The following RAPGEF4 variants were observed in gnomAD, a reference collection of about 807,000 sequenced individuals.
RAPGEF4 encodes RAP guanine-nucleotide-exchange factor (GEF) 4.
RAPGEF4 carries 66 observed loss-of-function variants against 147.9 expected under a neutral mutation model. The ratio of observed to expected loss-of-function variants is 0.45; its 90% confidence interval spans 0.37 to 0.55. The LOEUF (loss-of-function observed/expected upper bound fraction) is 0.55. RAPGEF4 is among the 20% of genes least tolerant of loss of function. The pLI is 0.00. For synonymous variants in RAPGEF4, 419 were observed against 442.7 expected (o/e 0.95, Z 0.67); for missense variants, 1,071 against 1,257.3 (o/e 0.85, Z 2.24).
At chr2:172,982,389 C>T (rs1691779323) in intron 10 of RAPGEF4, among the ~76,000 whole-genome samples, 4 of 152,076 alleles carry the variant, frequency 2.6e-5, no homozygotes. Flanking sequence ...AGAGTAAATG[C>T]CGCCTAGCCA....
chr2:173,051,944 A>G lies in RAPGEF4; in HGVS notation c.*177A>G. 1.6e-6 allele frequency: 1 copy of G among 625,794 alleles called. No individual in the cohort carries two copies. Among genetic ancestry groups the G allele is most frequent in the East Asian group, 3.0e-5 (1 of 33,104 alleles). The allele number at this position is 625,794 out of a possible 1,614,324, so 38.8% of individuals were successfully genotyped here. A position where few individuals can be genotyped will look rare whatever the true frequency, so the allele number is the denominator to read the frequency against. ...CAGCTACCTAGCAAGAGAAGGAATT[A>G]TTTGACATGCCTAAAGCTTACACAC... On this transcript the variant is annotated 3_prime_UTR_variant, in exon 31 of 31. Coordinates refer to ENST00000397081, the MANE Select transcript of RAPGEF4 (RefSeq NM_007023.4).
At chr2:172,805,153 T>C (rs1270225096) in intron 3 of RAPGEF4, among the ~76,000 whole-genome samples, 1 of 152,164 alleles carries the variant, frequency 6.6e-6, no homozygotes, top group African/African-American at 2.4e-5. Flanking sequence ...TTCTTCTCTT[T>C]GTTTTCCTCT....
chr2:172,948,356 C>A (rs1297590419), intron 6 of RAPGEF4, among the ~76,000 whole-genome samples: 1 of 152,062 alleles, frequency 6.6e-6, no homozygotes, highest in African/African-American at 2.4e-5. Flanking sequence ...ATTATAAGCA[C>A]AATTTTAGAT....
intron 4 of RAPGEF4, among the ~76,000 whole-genome samples, chr2:172,889,544 G>A (rs1386765872): frequency 1.3e-5 from 2 of 151,984 alleles, no homozygotes; most frequent in Non-Finnish European, 2.9e-5. Flanking sequence ...ATTTCTTCTA[G>A]TAATTCCCAC....
chr2:172,888,963 A>T (rs6723668), intron 4 of RAPGEF4, among the ~76,000 whole-genome samples: 65 of 152,294 alleles, frequency 4.3e-4, no homozygotes, highest in African/African-American at 1.2e-3. Context: ...TTATAGGGTA[A>T]TAAAGGTGAA....
chr2:172,872,084 C>A (rs116189152), intron 4 of RAPGEF4, among the ~76,000 whole-genome samples: 1 of 152,104 alleles, frequency 6.6e-6, no homozygotes, highest in Non-Finnish European at 1.5e-5. Flanking sequence ...AATGAAAGAC[C>A]TATATTTAGT....
At chr2:172,830,751 G>A (rs1004397362) in intron 4 of RAPGEF4, among the ~76,000 whole-genome samples, 4 of 152,082 alleles carry the variant, frequency 2.6e-5, no homozygotes, top group African/African-American at 7.2e-5. Flanking sequence ...CTATAGGCAC[G>A]TGCCACCACA....
At chr2:172,960,672 T>A in intron 6 of RAPGEF4, 88 bp from the exon 7 acceptor site, 1 of 866,076 alleles carries the variant, frequency 1.2e-6, no homozygotes, top group Non-Finnish European at 1.7e-6. Flanking sequence ...TTATAAAAAA[T>A]GGATGTTTCT....
At chr2:172,846,065 T>TAAAAAA (rs1692152418) in intron 4 of RAPGEF4, among the ~76,000 whole-genome samples, 1 of 152,198 alleles carries the variant, frequency 6.6e-6, no homozygotes, top group Non-Finnish European at 1.5e-5. Flanking sequence ...ATGACTCCCT[T>TAAAAAA]TGCAAATCTT....
chr2:173,051,607 C>T, intron 30 of RAPGEF4, 33 bp from the exon 31 acceptor site: 1 of 1,604,906 alleles, frequency 6.2e-7, no homozygotes, highest in African/African-American at 1.3e-5. Context: ...ATATATTACA[C>T]AATGCCAATT....
chr2:172,917,734 C>A, intron 4 of RAPGEF4, 68 bp from the exon 5 acceptor site: 1 of 1,380,544 alleles, frequency 7.2e-7, no homozygotes, highest in Non-Finnish European at 1.0e-6. Flanking sequence ...TGCTTTTTAA[C>A]ATGTAAATAA....
Position 173,029,495 on chromosome 2 carries a change from C to T in RAPGEF4, c.2559-669C>T, listed in dbSNP as rs921688954. Among the ~76,000 whole-genome samples, 89 of 152,152 alleles carry T rather than the reference C, an allele frequency of 5.8e-4. 3 individuals are homozygous for T. The highest frequency in any genetic ancestry group is 5.8e-3 in the Admixed American group (88 of 15,282). On this transcript the variant is annotated intron_variant, in intron 25 of 30. Coordinates refer to ENST00000397081, the MANE Select transcript of RAPGEF4 (RefSeq NM_007023.4). The stretch of plus-strand genomic sequence containing the variant: ...TCTGTTTTTTTCCACATGTCTCATT[C>T]CCAAACATATATTCATAAAAGCTAA...
intron 4 of RAPGEF4, among the ~76,000 whole-genome samples, chr2:172,863,780 G>A (rs762150583): frequency 9.2e-5 from 14 of 152,248 alleles, no homozygotes; most frequent in African/African-American, 2.6e-4. Context: ...TTATAGGAGC[G>A]ATGTTGTAAA....
intron 23 of RAPGEF4, among the ~76,000 whole-genome samples, chr2:173,024,303 C>T (rs867505069): frequency 2.8e-5 from 4 of 140,648 alleles, no homozygotes; most frequent in South Asian, 2.4e-4. Flanking sequence ...CTGCAAGCTC[C>T]GCCTCCCGGG....
intron 29 of RAPGEF4, among the ~76,000 whole-genome samples, chr2:173,040,498 G>A (rs1684627644): frequency 6.6e-6 from 1 of 152,140 alleles, no homozygotes; most frequent in Non-Finnish European, 1.5e-5. Context: ...GGGGCTGGTG[G>A]GCTGGGTCCC....
chr2:172,813,553 T>C (rs1313478621), intron 3 of RAPGEF4, among the ~76,000 whole-genome samples: 1 of 152,212 alleles, frequency 6.6e-6, no homozygotes, highest in African/African-American at 2.4e-5. Context: ...GGTTAGAATC[T>C]GGCCACACTG....
At chr2:172,965,746 G>A (rs909478841) in intron 9 of RAPGEF4, 63 bp downstream of exon 9, 4 of 1,602,712 alleles carry the variant, frequency 2.5e-6, no homozygotes, top group Non-Finnish European at 3.4e-6. Flanking sequence ...CCCTGGGTAA[G>A]TAGTTGCTGA....
chr2:172,811,987 T>G (rs933351906), intron 3 of RAPGEF4, among the ~76,000 whole-genome samples: 3 of 152,214 alleles, frequency 2.0e-5, no homozygotes, highest in Non-Finnish European at 2.9e-5. Flanking sequence ...CACCTTCTAT[T>G]TCTCTGTGCC....
chr2:172,783,843 G>GAGC (rs1684925550), intron 1 of RAPGEF4, among the ~76,000 whole-genome samples: 1 of 151,926 alleles, frequency 6.6e-6, no homozygotes, highest in East Asian at 1.9e-4. Flanking sequence ...GGAGTTAGGA[G>GAGC]AGCAGATCTC....
Sources: allele counts gnomAD v4.1 joint callset (sites outside exome capture counted in the v4.1 genomes callset), GRCh38; gene constraint gnomAD v4.1.1; transcripts MANE v1.5; gene names NCBI Gene and HGNC (gene_info 2026-07-23, HGNC 2026-07-21).